Variants in STXBP6 observed in about 807,000 individuals in gnomAD.
STXBP6 encodes the protein syntaxin binding protein 6.
Under a neutral mutation model 26.9 loss-of-function variants are expected in STXBP6, and 21 were observed. The ratio of observed to expected loss-of-function variants is 0.78; its 90% CI spans 0.55 to 1.12. STXBP6 has a LOEUF of 1.12. Ranked by LOEUF, STXBP6 falls within the 50% of genes most tolerant of loss-of-function variation. The pLI is 0.00. For synonymous variants in STXBP6, 97 were observed against 92.6 expected, an observed-to-expected ratio of 1.05 and a Z score of -0.27; for missense variants, 232 against 257.9, an observed-to-expected ratio of 0.90 and a Z score of 0.69.
At chr14:25,029,052 G>A (rs924716404) in intron 1 of STXBP6, among the ~76,000 whole-genome samples, 1 of 152,160 alleles carries the variant, frequency 6.6e-6, no homozygotes, top group Non-Finnish European at 1.5e-5. Flanking sequence ...TCTTGAGGTG[G>A]TGAAGATGCT....
intron 2 of STXBP6, among the ~76,000 whole-genome samples, chr14:24,939,086 T>C (rs1285019046): frequency 6.6e-6 from 1 of 152,186 alleles, no homozygotes; most frequent in Non-Finnish European, 1.5e-5. Flanking sequence ...AAGAAATTAA[T>C]CATATTGCAT....
At chr14:25,048,603 C>G (rs1265642907) in intron 1 of STXBP6, among the ~76,000 whole-genome samples, 1 of 152,184 alleles carries the variant, frequency 6.6e-6, no homozygotes, top group African/African-American at 2.4e-5. Flanking sequence ...ACGTAACACA[C>G]AAACCCAACA....
chr14:24,828,282 T>A (rs575076156), intron 4 of STXBP6, among the ~76,000 whole-genome samples: 1 of 152,238 alleles, frequency 6.6e-6, no homozygotes, highest in East Asian at 1.9e-4. Flanking sequence ...CTGGGCAAGA[T>A]CACTGATGTG....
intron 1 of STXBP6, among the ~76,000 whole-genome samples, chr14:25,016,970 T>G (rs551904101): frequency 1.3e-5 from 2 of 152,284 alleles, no homozygotes; most frequent in Non-Finnish European, 2.9e-5. Flanking sequence ...TCCAGCTGTA[T>G]AGTACATAGT....
chr14:24,929,365 C>T (rs9285592), intron 2 of STXBP6, among the ~76,000 whole-genome samples: 39,973 of 152,132 alleles, frequency 0.26, 5,764 homozygotes, highest in African/African-American at 0.39. Flanking sequence ...TGCTTTAAGA[C>T]ATGAAACACC....
chr14:24,889,304 C>A (rs1258579916), intron 2 of STXBP6, among the ~76,000 whole-genome samples: 1 of 121,398 alleles, frequency 8.2e-6, no homozygotes, highest in Non-Finnish European at 1.8e-5. Context: ...AAAACAACAA[C>A]AACAATAACA....
intron 2 of STXBP6, among the ~76,000 whole-genome samples, chr14:24,929,702 TA>T (rs1457542628): frequency 6.6e-6 from 1 of 152,230 alleles, no homozygotes; most frequent in Non-Finnish European, 1.5e-5. Flanking sequence ...GCACCAGCTT[TA>T]AATGGCCTAA....
chr14:24,992,868 T>C (rs2074509829), intron 1 of STXBP6, among the ~76,000 whole-genome samples: 1 of 152,180 alleles, frequency 6.6e-6, no homozygotes, highest in Admixed American at 6.5e-5. Context: ...CAAACAACAC[T>C]GAACAGTCAA....
intron 4 of STXBP6, among the ~76,000 whole-genome samples, chr14:24,833,139 C>G (rs1037689508): frequency 2.6e-5 from 4 of 152,160 alleles, no homozygotes; most frequent in Admixed American, 2.6e-4. Context: ...TGTGAAAGCA[C>G]AGGGAGTGGA....
chr14:24,916,279 C>T (rs989448377), intron 2 of STXBP6, among the ~76,000 whole-genome samples: 11 of 152,086 alleles, frequency 7.2e-5, no homozygotes, highest in African/African-American at 2.4e-4. Context: ...TCAACTCATC[C>T]TATTTTATTC....
intron 2 of STXBP6, among the ~76,000 whole-genome samples, chr14:24,933,702 C>T (rs886809332): frequency 6.6e-6 from 1 of 152,062 alleles, no homozygotes; most frequent in African/African-American, 2.4e-5. Flanking sequence ...GTTGTCTCTA[C>T]TTGAATACCA....
chr14:25,028,360 T>C (rs1687154444), intron 1 of STXBP6, among the ~76,000 whole-genome samples: 1 of 152,184 alleles, frequency 6.6e-6, no homozygotes, highest in African/African-American at 2.4e-5. Flanking sequence ...TATTTACCAT[T>C]CTGAAAATCC....
intron 2 of STXBP6, among the ~76,000 whole-genome samples, chr14:24,882,208 T>C (rs1595035619): frequency 6.7e-6 from 1 of 148,786 alleles, no homozygotes; most frequent in Non-Finnish European, 1.5e-5. Flanking sequence ...TGAAACCCCG[T>C]CTCTACTAAA....
At chr14:24,897,059 T>G (rs1446147746) in intron 2 of STXBP6, among the ~76,000 whole-genome samples, 1 of 152,144 alleles carries the variant, frequency 6.6e-6, no homozygotes, top group Non-Finnish European at 1.5e-5. Flanking sequence ...ATATCAGATC[T>G]TAGGCCCACA....
intron 2 of STXBP6, among the ~76,000 whole-genome samples, chr14:24,938,343 G>C (rs943014599): frequency 2.0e-5 from 3 of 152,052 alleles, no homozygotes; most frequent in Non-Finnish European, 2.9e-5. Flanking sequence ...CAAAGATTTT[G>C]TTTTTCATGA....
chr14:24,934,921 A>T lies in STXBP6; in HGVS notation c.154+39744T>A, dbSNP rs74040733. ...CTTAAGTGATATTAATACTCTTTTT[A>T]AAAAAAATCTCAAAAAATACTTGAT... On this transcript the variant is annotated intron_variant, in intron 2 of 5. Transcript: ENST00000323944. Among the ~76,000 whole-genome samples the T allele has an allele frequency of 9.0e-3, 1,375 of 152,074 alleles. 20 individuals are homozygous for T. The highest frequency in any genetic ancestry group is 0.03 in the African/African-American group (1,227 of 41,496).
rs560159270 is a variant in STXBP6 at position 24,940,980 on chromosome 14, A to T, written c.154+33685T>A. On this transcript the variant is annotated intron_variant, in intron 2 of 5. Coordinates refer to ENST00000323944, the MANE Select transcript of STXBP6 (RefSeq NM_001394410.1). Reference sequence around the variant, plus strand: ...CAGTGAGCCAAGATTGCGCCACTGCACTCCAGCCTGGGCGACAGAGCAAGA... The same window carrying T: ...CAGTGAGCCAAGATTGCGCCACTGCTCTCCAGCCTGGGCGACAGAGCAAGA... Among the ~76,000 whole-genome samples, 193 of 152,246 alleles carry T rather than the reference A, an allele frequency of 1.3e-3. 1 individual carries two copies. The highest frequency in any genetic ancestry group is 4.5e-3 in the African/African-American group (187 of 41,530).
At chr14:25,004,609 TG>T (rs1306326997) in intron 1 of STXBP6, among the ~76,000 whole-genome samples, 1 of 152,194 alleles carries the variant, frequency 6.6e-6, no homozygotes, top group African/African-American at 2.4e-5. Flanking sequence ...TTGGTTCCAG[TG>T]GGAGTCCCAC....
intron 2 of STXBP6, among the ~76,000 whole-genome samples, chr14:24,967,562 G>C (rs1324018026): frequency 6.6e-6 from 1 of 152,214 alleles, no homozygotes; most frequent in East Asian, 1.9e-4. Context: ...AAAGGATATT[G>C]CATATTTATA....
Sources: gnomAD v4.1 joint callset for allele counts (sites outside exome capture counted in the v4.1 genomes callset) on GRCh38, gnomAD v4.1.1 for gene constraint, MANE v1.5 for transcripts, NCBI Gene and HGNC (gene_info 2026-07-23, HGNC 2026-07-21) for gene names.